PLEKHH2: variants seen among roughly 807,000 people sequenced by gnomAD.
The protein encoded by PLEKHH2 is pleckstrin homology domain-containing family H member 2.
Under a neutral mutation model 187.9 loss-of-function variants are expected in PLEKHH2, and 129 were observed. That is an observed-to-expected ratio of 0.69 (90% CI 0.59 to 0.79). The LOEUF is 0.79. Ranked by LOEUF, PLEKHH2 falls within the 30% of genes least tolerant of loss-of-function variation. PLEKHH2 has a pLI of 0.00. For missense variants in PLEKHH2, 2,076 were observed against 1,751.2 expected (o/e 1.19, Z -3.31); for synonymous variants, 686 against 605.6 (o/e 1.13, Z -1.95).
chr2:43,745,490 T>C (rs1671740923), intron 23 of PLEKHH2, among the ~76,000 whole-genome samples: 1 of 152,196 alleles, frequency 6.6e-6, no homozygotes, highest in African/African-American at 2.4e-5. Context: ...TCAAATTTCT[T>C]TGGTATAACT....
intron 9 of PLEKHH2, among the ~76,000 whole-genome samples, 167 bp downstream of exon 9, chr2:43,704,223 G>A (rs892776600): frequency 2.6e-5 from 4 of 152,054 alleles, no homozygotes; most frequent in Middle Eastern, 3.2e-3. Flanking sequence ...GTAGAATGGC[G>A]GTTACCAGGG....
At chr2:43,703,317 T>C (rs150796177) in intron 8 of PLEKHH2, among the ~76,000 whole-genome samples, 1 of 152,322 alleles carries the variant, frequency 6.6e-6, no homozygotes, top group African/African-American at 2.4e-5. Flanking sequence ...TTTCAGAGAT[T>C]TTTCAGAAGA....
chr2:43,744,923 A>T (rs1417522233), intron 23 of PLEKHH2, among the ~76,000 whole-genome samples: 1 of 151,738 alleles, frequency 6.6e-6, no homozygotes, highest in Non-Finnish European at 1.5e-5. Flanking sequence ...AAGAAAACAG[A>T]CCTGTGGAAA....
At chr2:43,677,127 C>G (rs552295985) in intron 2 of PLEKHH2, among the ~76,000 whole-genome samples, 5 of 152,024 alleles carry the variant, frequency 3.3e-5, no homozygotes, top group African/African-American at 7.2e-5. Flanking sequence ...TGCAAAGAGC[C>G]TTTAATGTGC....
rs1391201667 is a variant in PLEKHH2, at chr2:43,666,027, G to A, written c.124-12836G>A. On this transcript the variant is annotated intron_variant, in intron 2 of 29. Transcript: ENST00000282406. ...CCAGTTCGAGCTTCCCGGCTGCTTT[G>A]TTTACCTAAGCAAGCCTGGGCAATG... Among the ~76,000 whole-genome samples the A allele has an allele frequency of 5.4e-5, 8 of 147,790 alleles. 1 individual carries two copies. Among genetic ancestry groups the A allele is most frequent in the African/African-American group, 2.1e-4 (8 of 38,428 alleles).
chr2:43,678,865 G>A lies in PLEKHH2; in HGVS notation c.126G>A (p.Met42Ile). ...SKIRELLAEK[M>I]QQLERQVIDA... Reference sequence around the variant, plus strand: ...TTATATTTTCCCTCACTCTACAGATGCAACAGCTTGAGAGACAAGTTATTG... The same window carrying A: ...TTATATTTTCCCTCACTCTACAGATACAACAGCTTGAGAGACAAGTTATTG... Residue 42 changes from methionine to isoleucine, a missense_variant and splice_region_variant, in exon 3 of 30, where the codon ATG becomes ATA. Met to Ile is a conservative substitution (Grantham distance 10, BLOSUM62 1). Coordinates refer to ENST00000282406, the MANE Select transcript of PLEKHH2 (RefSeq NM_172069.4). The A allele has an allele frequency of 1.3e-6, 2 of 1,599,760 alleles. No homozygotes were observed. The highest frequency in any genetic ancestry group is 2.2e-5 in the East Asian group (1 of 44,668).
intron 23 of PLEKHH2, among the ~76,000 whole-genome samples, chr2:43,744,713 C>CA (rs1370174092): frequency 1.3e-5 from 2 of 151,280 alleles, no homozygotes; most frequent in Non-Finnish European, 2.9e-5. Context: ...ACTAAAAATA[C>CA]AAAAATTAGC....
At chr2:43,669,016 C>G (rs1399981402) in intron 2 of PLEKHH2, among the ~76,000 whole-genome samples, 1 of 152,146 alleles carries the variant, frequency 6.6e-6, no homozygotes, top group Non-Finnish European at 1.5e-5. Context: ...GCTGGTTGAG[C>G]TAAGCAGCAG....
At chr2:43,648,560 CGT>C (rs71410194) in intron 2 of PLEKHH2, among the ~76,000 whole-genome samples, 21,109 of 137,710 alleles carry the variant, frequency 0.15, 1,521 homozygotes, top group Middle Eastern at 0.17. Flanking sequence ...TAATTACATT[CGT>C]GTGTGTGTGT....
chr2:43,720,836 G>A lies in PLEKHH2; in HGVS notation c.2541+87G>A, dbSNP rs987606842. 14 of 1,492,644 alleles carry A rather than the reference G, an allele frequency of 9.4e-6. No individual in the cohort carries two copies. In the East Asian group the frequency reaches 1.9e-4, roughly 20 times the overall value. 92.5% of individuals were successfully genotyped at this position (1,492,644 alleles called of 1,614,324 possible). On this transcript the variant is annotated intron_variant, in intron 16 of 29. Transcript: ENST00000282406. ...TTCCTTTTCTCTCTTCTCTTACTTT[G>A]TAAAACTTCAGAATCTTTATGAGGT...
chr2:43,643,417 G>A (rs1026356141), intron 1 of PLEKHH2, among the ~76,000 whole-genome samples: 8 of 151,932 alleles, frequency 5.3e-5, no homozygotes, highest in African/African-American at 1.5e-4. Context: ...TATTTCTAAC[G>A]TACTGAATAT....
chr2:43,717,412 C>T (rs964230482), intron 15 of PLEKHH2, among the ~76,000 whole-genome samples: 4 of 122,850 alleles, frequency 3.3e-5, no homozygotes, highest in Non-Finnish European at 6.6e-5. Flanking sequence ...AGTGAGACTC[C>T]ACCTCAAACA....
chr2:43,676,937 G>C (rs1448828486), intron 2 of PLEKHH2, among the ~76,000 whole-genome samples: 1 of 152,080 alleles, frequency 6.6e-6, no homozygotes, highest in Non-Finnish European at 1.5e-5. Context: ...CGGTCAAATA[G>C]GACATTTGAA....
chr2:43,706,643 A>G (rs1352514982), intron 10 of PLEKHH2, among the ~76,000 whole-genome samples: 1 of 152,196 alleles, frequency 6.6e-6, no homozygotes, highest in Non-Finnish European at 1.5e-5. Context: ...ACTGTGTCCC[A>G]TGTGATTCCC....
chr2:43,669,275 C>T (rs1272315686), intron 2 of PLEKHH2, among the ~76,000 whole-genome samples: 3 of 152,168 alleles, frequency 2.0e-5, no homozygotes, highest in Non-Finnish European at 4.4e-5. Flanking sequence ...AAAAGGTATT[C>T]AGCCTCACTC....
At chr2:43,686,785 CAT>C in intron 3 of PLEKHH2, among the ~76,000 whole-genome samples, 1 of 152,112 alleles carries the variant, frequency 6.6e-6, no homozygotes, top group Non-Finnish European at 1.5e-5. Context: ...TCACTGATAA[CAT>C]GTCAGTAAAT....
At chr2:43,757,290 T>A in intron 26 of PLEKHH2, 26 bp downstream of exon 26, 1 of 1,487,974 alleles carries the variant, frequency 6.7e-7, no homozygotes, top group Non-Finnish European at 8.9e-7. Context: ...TAACTCTTTA[T>A]AGGGTAGGGT....
At chr2:43,644,913 G>A (rs1666115608) in intron 2 of PLEKHH2, 117 bp downstream of exon 2, 4 of 1,138,752 alleles carry the variant, frequency 3.5e-6, no homozygotes, top group Non-Finnish European at 3.6e-6. Context: ...AGTATTTGAA[G>A]CTATATTTGG....
At chr2:43,713,425 G>C (rs1383320627) in intron 15 of PLEKHH2, among the ~76,000 whole-genome samples, 1 of 151,828 alleles carries the variant, frequency 6.6e-6, no homozygotes, top group Non-Finnish European at 1.5e-5. Flanking sequence ...TGTAGGGTAA[G>C]GTATAGCTTT....
Sources: gnomAD v4.1 joint callset for allele counts (sites outside exome capture counted in the v4.1 genomes callset) on GRCh38, gnomAD v4.1.1 for gene constraint, MANE v1.5 for transcripts, NCBI Gene and HGNC (gene_info 2026-07-23, HGNC 2026-07-21) for gene names.